The following STK32B variants were observed in gnomAD, a reference collection of about 807,000 sequenced individuals.
STK32B encodes serine/threonine-protein kinase 32B.
In STK32B, 43 loss-of-function variants were observed where a neutral mutation model predicts 52.6. The ratio of observed to expected loss-of-function variants is 0.82; its 90% CI spans 0.64 to 1.05. STK32B has a LOEUF of 1.05. Ranked by LOEUF, STK32B falls within the 50% of genes least tolerant of loss-of-function variation. The pLI is 0.00. For missense variants in STK32B, 621 were observed against 534.6 expected, an observed-to-expected ratio of 1.16 and a Z score of -1.59; for synonymous variants, 238 against 204.3, an observed-to-expected ratio of 1.17 and a Z score of -1.41.
At chr4:5,417,472 T>C (rs1017662127) in intron 6 of STK32B, among the ~76,000 whole-genome samples, 2 of 152,204 alleles carry the variant, frequency 1.3e-5, no homozygotes, top group Admixed American at 6.5e-5. Context: ...AAATCTTTAT[T>C]ACCTCTTCCT....
chr4:5,122,319 C>T (rs1340042048), intron 1 of STK32B, among the ~76,000 whole-genome samples: 1 of 149,602 alleles, frequency 6.7e-6, no homozygotes, highest in African/African-American at 2.6e-5. Flanking sequence ...CTCATTAATT[C>T]AGTCACCCAT....
chr4:5,464,018 G>T (rs867498551), intron 9 of STK32B, among the ~76,000 whole-genome samples: 2 of 152,290 alleles, frequency 1.3e-5, no homozygotes, highest in Admixed American at 6.5e-5. Flanking sequence ...CATCAGCTTT[G>T]CTTCTGGGGA....
intron 3 of STK32B, among the ~76,000 whole-genome samples, chr4:5,314,523 A>T (rs1027967123): frequency 3.9e-5 from 6 of 152,184 alleles, no homozygotes; most frequent in Non-Finnish European, 8.8e-5. Context: ...TACAAAAGTT[A>T]GCTGGGCATG....
chr4:5,152,556 C>T (rs1038609398), intron 2 of STK32B, among the ~76,000 whole-genome samples: 6 of 152,208 alleles, frequency 3.9e-5, no homozygotes, highest in African/African-American at 1.2e-4. Flanking sequence ...CCACTCACCC[C>T]GGTGGGCTTC....
intron 1 of STK32B, among the ~76,000 whole-genome samples, chr4:5,057,043 G>A (rs1396255860): frequency 6.6e-6 from 1 of 152,176 alleles, no homozygotes; most frequent in African/African-American, 2.4e-5. Context: ...GCCTCCTAAA[G>A]AACAGCACTT....
intron 3 of STK32B, among the ~76,000 whole-genome samples, chr4:5,254,130 GC>G (rs1726139811): frequency 6.6e-6 from 1 of 152,088 alleles, no homozygotes; most frequent in African/African-American, 2.4e-5. Flanking sequence ...TTCTATTTTT[GC>G]CTATGTTAGC....
chr4:5,230,178 CTTTTTTTTTTTT>C (rs752036100), intron 3 of STK32B, among the ~76,000 whole-genome samples: 160 of 71,122 alleles, frequency 2.2e-3, no homozygotes, highest in Middle Eastern at 0.019. Flanking sequence ...CATGCATTCC[CTTTTTTTTTTTT>C]TTTTTTTTTT....
intron 5 of STK32B, among the ~76,000 whole-genome samples, chr4:5,409,439 TAGAA>T (rs1203099420): frequency 3.3e-5 from 5 of 152,076 alleles, no homozygotes; most frequent in Non-Finnish European, 7.3e-5. Flanking sequence ...TACTGTGAGA[TAGAA>T]AGGAAGTGTA....
intron 3 of STK32B, among the ~76,000 whole-genome samples, chr4:5,307,049 C>T (rs938767341): frequency 1.3e-5 from 2 of 152,248 alleles, no homozygotes; most frequent in Non-Finnish European, 1.5e-5. Context: ...GCCTGATGCT[C>T]TTGCCTCACA....
At chr4:5,475,906 A>T (rs1053992883) in intron 11 of STK32B, among the ~76,000 whole-genome samples, 3 of 151,492 alleles carry the variant, frequency 2.0e-5, no homozygotes, top group Non-Finnish European at 4.4e-5. Context: ...GTTTTTTTAA[A>T]TTTTTTTGAA....
chr4:5,243,092 T>G (rs1725161972), intron 3 of STK32B, among the ~76,000 whole-genome samples: 1 of 152,166 alleles, frequency 6.6e-6, no homozygotes. Flanking sequence ...AACTTTAAAG[T>G]AGTTTTTTCC....
chr4:5,062,591 C>G (rs911346199), intron 1 of STK32B, among the ~76,000 whole-genome samples: 1 of 152,164 alleles, frequency 6.6e-6, no homozygotes, highest in Non-Finnish European at 1.5e-5. Context: ...CCATTGCAAG[C>G]TCCGCCTCCC....
the STK32B span, among the ~76,000 whole-genome samples, chr4:5,023,021 A>ATGTGTGTGTGTGTGTGTGTGTG: frequency 6.7e-6 from 1 of 148,746 alleles, no homozygotes; most frequent in Non-Finnish European, 1.5e-5. Flanking sequence ...GTGTGTGTGT[A>ATGTGTGTGTGTGTGTGTGTGTG]TATGTGTGTG....
chr4:5,092,042 A>G (rs539184519), intron 1 of STK32B, among the ~76,000 whole-genome samples: 1 of 152,210 alleles, frequency 6.6e-6, no homozygotes, highest in Non-Finnish European at 1.5e-5. Context: ...TGTAGAAGGG[A>G]GTGGAATTGA....
intron 3 of STK32B, among the ~76,000 whole-genome samples, chr4:5,298,749 C>A (rs991702774): frequency 4.0e-5 from 6 of 151,774 alleles, no homozygotes; most frequent in African/African-American, 1.5e-4. Flanking sequence ...ACCCACTGAG[C>A]AAGACCACTT....
chr4:5,384,799 A>G (rs1481804924), intron 4 of STK32B, among the ~76,000 whole-genome samples: 1 of 152,122 alleles, frequency 6.6e-6, no homozygotes, highest in Admixed American at 6.6e-5. Flanking sequence ...ATTGCAGGAA[A>G]CAGAAGGAAG....
At chr4:5,455,519 G>A (rs1716425183) in intron 7 of STK32B, among the ~76,000 whole-genome samples, 1 of 152,186 alleles carries the variant, frequency 6.6e-6, no homozygotes, top group Non-Finnish European at 1.5e-5. Context: ...CTACTGGTTT[G>A]CAGGGCTGGG....
intron 3 of STK32B, among the ~76,000 whole-genome samples, chr4:5,258,359 G>A: frequency 6.6e-6 from 1 of 152,142 alleles, no homozygotes; most frequent in East Asian, 1.9e-4. Flanking sequence ...TTATGAGATT[G>A]AATGTCTGAA....
At chr4:5,158,035 G>A (rs911380956) in intron 2 of STK32B, among the ~76,000 whole-genome samples, 1 of 152,196 alleles carries the variant, frequency 6.6e-6, no homozygotes, top group Non-Finnish European at 1.5e-5. Flanking sequence ...GGAGGAATGT[G>A]TCAGCTCCTG....
Sources: gnomAD v4.1 joint callset for allele counts (sites outside exome capture counted in the v4.1 genomes callset) on GRCh38, gnomAD v4.1.1 for gene constraint, MANE v1.5 for transcripts, NCBI Gene and HGNC (gene_info 2026-07-23, HGNC 2026-07-21) for gene names.